DEUP1: variants seen among roughly 807,000 people sequenced by gnomAD.
DEUP1 encodes the protein deuterosome assembly protein 1, also known as coiled-coil domain containing 67.
A neutral mutation model predicts 87.4 loss-of-function variants in DEUP1; 82 were observed. The ratio of observed to expected loss-of-function variants is 0.94; its 90% CI spans 0.78 to 1.13. The LOEUF is 1.13. Among genes scored for constraint, DEUP1 ranks in the 50% most tolerant of loss-of-function variants. The pLI is 0.00. For missense variants in DEUP1, 663 were observed against 681.5 expected, an observed-to-expected ratio of 0.97 and a Z score of 0.30; for synonymous variants, 214 against 222.7, an observed-to-expected ratio of 0.96 and a Z score of 0.35.
At chr11:93,343,028 C>T (rs933858204) in intron 2 of DEUP1, among the ~76,000 whole-genome samples, 2 of 152,170 alleles carry the variant, frequency 1.3e-5, no homozygotes, top group Non-Finnish European at 2.9e-5. Flanking sequence ...TCTGGCCATC[C>T]TCTGGACATG....
In DEUP1 at chr11:93,437,766, A is replaced by G. The variant is rs201405531; in HGVS notation, c.*47A>G. On this transcript the variant is annotated 3_prime_UTR_variant, in exon 14 of 14. Coordinates refer to ENST00000298050, the MANE Select transcript of DEUP1 (RefSeq NM_181645.4). ...CTTCCCCCCCCCACCCCCGCCAAGA[A>G]AAAAAGCTCTGGCAAAATATTTACA... The G allele has an allele frequency of 1.8e-5, 16 of 890,126 alleles. No homozygotes were observed. Among genetic ancestry groups the G allele is most frequent in the Non-Finnish European group, 2.5e-5 (15 of 591,822 alleles). The allele number at this position is 890,126 out of a possible 1,614,324, so 55.1% of individuals were successfully genotyped here.
intron 13 of DEUP1, among the ~76,000 whole-genome samples, chr11:93,420,772 GACAA>G (rs759329087): frequency 1.6e-5 from 2 of 128,630 alleles, no homozygotes; most frequent in Non-Finnish European, 3.2e-5. Context: ...ACCAATAACA[GACAA>G]ACAGAGAGCC....
At chr11:93,428,159 G>A (rs1183609907) in intron 13 of DEUP1, among the ~76,000 whole-genome samples, 7 of 151,998 alleles carry the variant, frequency 4.6e-5, no homozygotes, top group East Asian at 1.9e-4. Flanking sequence ...TGTTTATTGC[G>A]GCACTATTCA....
intron 5 of DEUP1, among the ~76,000 whole-genome samples, chr11:93,364,977 T>C (rs1386791436): frequency 6.6e-6 from 1 of 152,132 alleles, no homozygotes; most frequent in African/African-American, 2.4e-5. Flanking sequence ...CTACAAGTCA[T>C]GGAACAGCAG....
At chr11:93,347,597 C>CTCT (rs375019847) in intron 2 of DEUP1, among the ~76,000 whole-genome samples, 1,840 of 152,140 alleles carry the variant, frequency 0.012, 36 homozygotes, top group African/African-American at 0.043. Context: ...ATGGTACCAG[C>CTCT]TCTTTGTATG....
chr11:93,379,317 T>C (rs550377299), intron 7 of DEUP1, among the ~76,000 whole-genome samples: 1 of 152,326 alleles, frequency 6.6e-6, no homozygotes, highest in South Asian at 2.1e-4. Context: ...CTATAATGCT[T>C]TCCTTGATCA....
rs1296081163 is a variant in DEUP1 at position 93,408,439 on chromosome 11, C to T, written c.1523+12C>T. 2 of 1,475,602 alleles carry T rather than the reference C, an allele frequency of 1.4e-6. No individual in the cohort carries two copies. Among genetic ancestry groups the T allele is most frequent in the South Asian group, 2.6e-5 (2 of 76,532 alleles). The allele number at this position is 1,475,602 out of a possible 1,614,324, so 91.4% of individuals were successfully genotyped here. On this transcript the variant is annotated intron_variant, in intron 12 of 13. Coordinates refer to ENST00000298050, the MANE Select transcript of DEUP1 (RefSeq NM_181645.4). ...CAAAATGAAGAGAGGTATGCTGGCT[C>T]CATTATATAAGGGCATAAGTTTAAA...
intron 4 of DEUP1, among the ~76,000 whole-genome samples, chr11:93,360,499 T>C (rs1945119977): frequency 6.6e-6 from 1 of 152,192 alleles, no homozygotes. Context: ...GTTAGAATTA[T>C]CTGATTTTAA....
chr11:93,337,516 A>G (rs1312964755), intron 2 of DEUP1, among the ~76,000 whole-genome samples: 1 of 152,138 alleles, frequency 6.6e-6, no homozygotes, highest in African/African-American at 2.4e-5. Flanking sequence ...CTCTCTTCAT[A>G]CTTTATTCAC....
Position 93,355,547 on chromosome 11 carries a change from T to G in DEUP1, c.201+5T>G, listed in dbSNP as rs191542819. 17 of 1,600,964 alleles carry G rather than the reference T, an allele frequency of 1.1e-5. No homozygotes were observed. The highest frequency in any genetic ancestry group is 1.7e-4 in the Middle Eastern group (1 of 6,034). On this transcript the variant is annotated splice_donor_5th_base_variant and intron_variant, in intron 3 of 13. Transcript: ENST00000298050. ...TTGGATCAGAAAGGTCAAGAGGTAC[T>G]GAATACATATGTTAACAAATTGCTA...
chr11:93,402,241 G>T (rs1947141096), intron 11 of DEUP1, among the ~76,000 whole-genome samples: 1 of 151,762 alleles, frequency 6.6e-6, no homozygotes, highest in South Asian at 2.1e-4. Flanking sequence ...ATGGCCAACA[G>T]GTATATGAAA....
At position 93,348,858 on chromosome 11, in the gene DEUP1, A is replaced by C. The variant is rs556128030; in HGVS notation, c.30-6513A>C. On this transcript the variant is annotated intron_variant, in intron 2 of 13. Coordinates refer to ENST00000298050, the MANE Select transcript of DEUP1 (RefSeq NM_181645.4). ...GGTTTGGCTAACAAGTCATATGATC[A>C]TTATAGCAATGTATCTGATGATGTA... 1.6e-4 allele frequency among the ~76,000 whole-genome samples: 24 copies of C among 152,302 alleles called. 1 individual carries two copies. In the South Asian group the frequency reaches 3.9e-3, roughly 25 times the overall value.
rs114406416 is a variant in DEUP1 at position 93,412,178 on chromosome 11, A to G, written c.1524-2822A>G. On this transcript the variant is annotated intron_variant, in intron 12 of 13. Transcript: ENST00000298050. ...AATGGAGGGACAGGACTGGATGTAC[A>G]TGTCCAACAAAGCTGAAAATTGTGA... 7.8e-3 allele frequency among the ~76,000 whole-genome samples: 1,194 copies of G among 152,314 alleles called. 14 individuals are homozygous for G. The highest frequency in any genetic ancestry group is 0.028 in the African/African-American group (1,148 of 41,562).
In DEUP1 at chr11:93,413,346, A is replaced by G. The variant is rs1258186249; in HGVS notation, c.1524-1654A>G. ...AAGCTCCGCCTCCCGGGTTCACGCCATTCTCCTGCCTCAGCCTCCTGAGTA... is the reference window on the plus strand; with the variant it reads ...AAGCTCCGCCTCCCGGGTTCACGCCGTTCTCCTGCCTCAGCCTCCTGAGTA... On this transcript the variant is annotated intron_variant, in intron 12 of 13. Coordinates refer to ENST00000298050, the MANE Select transcript of DEUP1 (RefSeq NM_181645.4). 5.4e-5 allele frequency among the ~76,000 whole-genome samples: 8 copies of G among 149,386 alleles called. No individual in the cohort carries two copies. The East Asian group carries it at 1.4e-3, about 26-fold the overall frequency.
At chr11:93,381,449 A>T (rs1946300005) in intron 7 of DEUP1, among the ~76,000 whole-genome samples, 1 of 152,182 alleles carries the variant, frequency 6.6e-6, no homozygotes, top group Non-Finnish European at 1.5e-5. Flanking sequence ...CTCTTTGTTT[A>T]TGGCACACTT....
intron 12 of DEUP1, among the ~76,000 whole-genome samples, chr11:93,410,798 T>G (rs1014125471): frequency 6.6e-6 from 1 of 152,218 alleles, no homozygotes; most frequent in Non-Finnish European, 1.5e-5. Context: ...CAGTACAGAA[T>G]GTGTTAAAAG....
intron 13 of DEUP1, among the ~76,000 whole-genome samples, chr11:93,430,005 T>C (rs565736136): frequency 1.1e-4 from 17 of 152,110 alleles, no homozygotes; most frequent in Non-Finnish European, 1.5e-4. Flanking sequence ...ACCATTCCTA[T>C]CAAGACTACT....
At chr11:93,403,528 T>C (rs768968800) in intron 11 of DEUP1, among the ~76,000 whole-genome samples, 1 of 151,866 alleles carries the variant, frequency 6.6e-6, no homozygotes, top group Non-Finnish European at 1.5e-5. Flanking sequence ...CTGTTTATAA[T>C]TCCTTTCTTA....
In DEUP1 at chr11:93,437,573, T is replaced by C; in HGVS notation, c.1669T>C (p.Leu557=). The C allele has an allele frequency of 1.9e-6, 3 of 1,613,688 alleles. 1 individual carries two copies. In the South Asian group the frequency reaches 3.3e-5, roughly 18 times the overall value. ...CCCAGATATGTCCTTCCCAGCATCT[T>C]TGGCTGCACAGCATTTCCTTCTGGA... ...SPPDMSFPAS[L]AAQHFLLEEE... is the part of the protein sequence containing the mutation. Residue 557 remains leucine, a synonymous_variant, in exon 14 of 14, where the codon TTG becomes CTG. Transcript: ENST00000298050.
Sources: gnomAD v4.1 joint callset for allele counts (sites outside exome capture counted in the v4.1 genomes callset) on GRCh38, gnomAD v4.1.1 for gene constraint, MANE v1.5 for transcripts, NCBI Gene and HGNC (gene_info 2026-07-23, HGNC 2026-07-21) for gene names.